Variants in AKR1B1 observed in about 807,000 individuals in gnomAD.
AKR1B1 encodes the protein aldo-keto reductase family 1 member B1.
In AKR1B1, 22 loss-of-function variants were observed where a neutral mutation model predicts 40.4. The observed-to-expected ratio is 0.54, with a 90% confidence interval of 0.39 to 0.78. AKR1B1 has a LOEUF of 0.78. Among genes scored for constraint, AKR1B1 ranks in the 30% least tolerant of loss-of-function variants. The probability of loss-of-function intolerance (pLI) is 0.00; values close to 1 mark genes in which losing one functional copy is unlikely to be tolerated. For missense variants in AKR1B1, 357 were observed against 396.7 expected (o/e 0.90, Z 0.85); for synonymous variants, 157 against 149.9 (o/e 1.05, Z -0.35).
upstream of AKR1B1, chr7:134,459,215 G>T: frequency 2.2e-6 from 2 of 907,850 alleles, no homozygotes; most frequent in Non-Finnish European, 1.7e-6. Flanking sequence ...TGGGGGTGCC[G>T]CGGCGGCCTT....
intron 2 of AKR1B1, chr7:134,451,196 T>C: frequency 1.8e-6 from 1 of 548,878 alleles, no homozygotes; most frequent in South Asian, 2.0e-5. Context: ...GGCTGGTGTT[T>C]GTGGAGCCAG....
chr7:134,458,872 G>A (rs1467613462), intron 1 of AKR1B1, 125 bp downstream of exon 1: 7 of 1,138,834 alleles, frequency 6.1e-6, no homozygotes, highest in Non-Finnish European at 8.9e-6. Context: ...AAGCCCGCGC[G>A]TGGCTCCCAG....
At chr7:134,447,440 T>C in intron 7 of AKR1B1, 59 bp from the exon 8 acceptor site, 1 of 1,419,832 alleles carries the variant, frequency 7.0e-7, no homozygotes, top group Non-Finnish European at 1.0e-6. Context: ...ACCCATCATC[T>C]CAGTCTCTCA....
rs1314335293 is a variant in AKR1B1, at chr7:134,449,036, T to C, written c.513A>G (p.Leu171=). The stretch of plus-strand genomic sequence containing the variant: ...GCTTATACTTCAAGCCAGGTTTGTT[T>C]AAGATCATCTCCACCTGGAGATGGT... ...NFNHLQVEMI[L]NKPGLKYKPA... Residue 171 remains leucine (L), a synonymous_variant, in exon 5 of 10, where the codon TTA becomes TTG. Coordinates refer to ENST00000285930, the MANE Select transcript of AKR1B1 (RefSeq NM_001628.4). The C allele has an allele frequency of 6.2e-7, 1 of 1,614,144 alleles. No homozygotes were observed. Among genetic ancestry groups the C allele is most frequent in the South Asian group, 1.1e-5 (1 of 91,084 alleles).
chr7:134,442,554 C>T lies in AKR1B1; in HGVS notation c.*174G>A. The T allele has an allele frequency of 4.9e-6, 3 of 611,244 alleles. No homozygotes were observed. Among genetic ancestry groups the T allele is most frequent in the South Asian group, 2.0e-5 (1 of 50,372 alleles). The allele number at this position is 611,244 out of a possible 1,614,324, so 37.9% of individuals were successfully genotyped here. ...CAAAGCAAACTGGAAGAGACTTCTACTCTACTGACAGGGCTCTTGAGATCC... is the reference window on the plus strand; with the variant it reads ...CAAAGCAAACTGGAAGAGACTTCTATTCTACTGACAGGGCTCTTGAGATCC... On this transcript the variant is annotated 3_prime_UTR_variant, in exon 10 of 10. Coordinates refer to ENST00000285930, the MANE Select transcript of AKR1B1 (RefSeq NM_001628.4).
At chr7:134,449,256 C>T in intron 4 of AKR1B1, 137 bp from the exon 5 acceptor site, 1 of 1,293,554 alleles carries the variant, frequency 7.7e-7, no homozygotes, top group Non-Finnish European at 1.1e-6. Flanking sequence ...AGCTAAGAGA[C>T]AGTGAGACGA....
At chr7:134,445,447 A>T (rs1806065361) in intron 8 of AKR1B1, 127 bp from the exon 9 acceptor site, 1 of 772,550 alleles carries the variant, frequency 1.3e-6, no homozygotes, top group South Asian at 1.5e-5. Flanking sequence ...TGAACTTAGG[A>T]AAAGCTGATA....
intron 8 of AKR1B1, among the ~76,000 whole-genome samples, chr7:134,445,756 AGG>A (rs1669567637): frequency 1.3e-5 from 2 of 152,258 alleles, no homozygotes; most frequent in Admixed American, 6.5e-5. Context: ...GGTATTCCAA[AGG>A]GATTCCAGCC....
intron 9 of AKR1B1, among the ~76,000 whole-genome samples, chr7:134,444,563 A>T (rs1484815054): frequency 6.6e-6 from 1 of 152,282 alleles, no homozygotes; most frequent in Non-Finnish European, 1.5e-5. Context: ...GTAGTGAGAG[A>T]GAAACAGAGT....
chr7:134,446,452 C>A (rs1005235973), intron 8 of AKR1B1, among the ~76,000 whole-genome samples: 2 of 152,240 alleles, frequency 1.3e-5, no homozygotes, highest in Non-Finnish European at 2.9e-5. Context: ...AGCCCCAGGC[C>A]CATGGCTGTG....
rs1562905372 is a variant in AKR1B1, at chr7:134,445,333, C to A, written c.826-13G>T. On this transcript the variant is annotated splice_polypyrimidine_tract_variant and intron_variant, in intron 8 of 9. Coordinates refer to ENST00000285930, the MANE Select transcript of AKR1B1 (RefSeq NM_001628.4). ...CAAAGTCAAAGACCTAAAAAACAAA[C>A]AAAAAAATCCAGTAAGCTCTGCAAA... 6.2e-7 allele frequency: 1 copy of A among 1,605,794 alleles called. No homozygotes were observed. Among genetic ancestry groups the A allele is most frequent in the Admixed American group, 1.7e-5 (1 of 59,250 alleles).
Position 134,445,222 on chromosome 7 carries a change from A to C in AKR1B1, c.908+16T>G, listed in dbSNP as rs548131951. The C allele has an allele frequency of 6.2e-7, 1 of 1,606,826 alleles. No homozygotes were observed. The highest frequency in any genetic ancestry group is 8.5e-7 in the Non-Finnish European group (1 of 1,176,902). On this transcript the variant is annotated intron_variant, in intron 9 of 9. Transcript: ENST00000285930. ...ATATCTCCTGGGAACTGCTCCTCACACTGGGGCTCACTCACCTCAACAAGG... is the reference window on the plus strand; with the variant it reads ...ATATCTCCTGGGAACTGCTCCTCACCCTGGGGCTCACTCACCTCAACAAGG...
Position 134,451,721 on chromosome 7 carries a change from C to T in AKR1B1, c.99G>A (p.Lys33=). The change falls in exon 2 of 10, where the codon AAG becomes AAA. Residue 33 remains lysine (K), a synonymous_variant. Transcript: ENST00000285930. ...SPPGQVTEAV[K]VAIDVGYRHI... is the part of the protein sequence containing the mutation. ...GGCGGTACCCGACGTCAATGGCCAC[C>T]TTCACGGCCTCAGTCACCTGCCCTG... The T allele has an allele frequency of 1.2e-6, 2 of 1,614,190 alleles. No individual in the cohort carries two copies. The highest frequency in any genetic ancestry group is 8.5e-7 in the Non-Finnish European group (1 of 1,180,036).
In AKR1B1 at chr7:134,442,780, G is replaced by C. The variant is rs1039901238; in HGVS notation, c.909-10C>G. 1 of 1,613,868 alleles carries C rather than the reference G, an allele frequency of 6.2e-7. No homozygotes were observed. The highest frequency in any genetic ancestry group is 8.5e-7 in the Non-Finnish European group (1 of 1,179,876). On this transcript the variant is annotated splice_polypyrimidine_tract_variant and intron_variant, in intron 9 of 9. Coordinates refer to ENST00000285930, the MANE Select transcript of AKR1B1 (RefSeq NM_001628.4). ...CTTGTGGGAGGTACAGCTGTCAGGA[G>C]AAAGGAGAAAACAGTTGCTTTTTGA...
intron 1 of AKR1B1, among the ~76,000 whole-genome samples, chr7:134,452,074 AT>A (rs1806305668): frequency 6.6e-6 from 1 of 152,132 alleles, no homozygotes; most frequent in Admixed American, 6.5e-5. Context: ...TATTAAAAAC[AT>A]TTCCCCACAC....
At position 134,445,286 on chromosome 7, in the gene AKR1B1, G is replaced by A; in HGVS notation, c.860C>T (p.Thr287Ile). The A allele has an allele frequency of 6.2e-7, 1 of 1,613,192 alleles. No individual in the cohort carries two copies. Among genetic ancestry groups the A allele is most frequent in the Non-Finnish European group, 8.5e-7 (1 of 1,179,816 alleles). ...FDFELSSQDMTTLLSYNRNWR... is the reference protein window; with the variant it reads ...FDFELSSQDMITLLSYNRNWR... ...GTTCCTGTTGTAGCTGAGTAAGGTG[G>A]TCATATCCTGGCTGCTCAGTTCAAA... is the stretch of plus-strand genomic sequence containing the variant. The change falls in exon 9 of 10, where the codon ACC (threonine) becomes ATC (isoleucine). Residue 287 changes from threonine (T) to isoleucine (I), a missense_variant. Transcript: ENST00000285930.
intron 8 of AKR1B1, among the ~76,000 whole-genome samples, chr7:134,447,043 G>A (rs1806118849): frequency 6.6e-6 from 1 of 152,222 alleles, no homozygotes; most frequent in Non-Finnish European, 1.5e-5. Context: ...ACCTCTCGGT[G>A]TGGCTGAAGG....
intron 9 of AKR1B1, 197 bp downstream of exon 9, chr7:134,445,041 A>T: frequency 1.5e-6 from 1 of 659,070 alleles, no homozygotes; most frequent in South Asian, 1.7e-5. Flanking sequence ...GAAGATATCA[A>T]GAGCGGATCT....
chr7:134,448,949 C>G, intron 5 of AKR1B1, 48 bp downstream of exon 5: 2 of 1,613,166 alleles, frequency 1.2e-6, no homozygotes, highest in Non-Finnish European at 8.5e-7. Context: ...CAGCATCAGA[C>G]AGTAAAACAG....
Sources: gnomAD v4.1 joint callset for allele counts (sites outside exome capture counted in the v4.1 genomes callset) on GRCh38, gnomAD v4.1.1 for gene constraint, MANE v1.5 for transcripts, NCBI Gene and HGNC (gene_info 2026-07-23, HGNC 2026-07-21) for gene names.